MAST4: variants seen among roughly 807,000 people sequenced by gnomAD.
MAST4 encodes the protein microtubule-associated serine/threonine-protein kinase 4.
MAST4 carries 89 observed loss-of-function variants against 162.7 expected under a neutral mutation model. The observed-to-expected ratio is 0.55, with a 90% CI of 0.46 to 0.65. The LOEUF is 0.65. Ranked by LOEUF, MAST4 falls within the 30% of genes least tolerant of loss-of-function variation. MAST4 has a pLI of 0.00. For missense variants in MAST4, 3,153 were observed against 3,374.0 expected (o/e 0.93, Z 1.62); for synonymous variants, 1,479 against 1,361.1 (o/e 1.09, Z -1.91).
At chr5:67,091,075 C>T (rs962025513) in intron 6 of MAST4, among the ~76,000 whole-genome samples, 1 of 151,868 alleles carries the variant, frequency 6.6e-6, no homozygotes, top group Admixed American at 6.6e-5. Context: ...TCCTCAGAGA[C>T]CTAACTATAT....
Position 67,164,436 on chromosome 5 carries a change from G to A in MAST4, c.5257G>A (p.Val1753Ile), listed in dbSNP as rs567767238. Residue 1753 changes from valine (V) to isoleucine (I), a missense_variant, in exon 29 of 29, where the codon GTC becomes ATC. Physicochemically the swap from Val to Ile is conservative, Grantham distance 29 (BLOSUM62 3). This residue lies in a region of MAST4 where 1,644 missense variants were observed against 1,495.0 expected (regional missense o/e 1.10). Transcript: ENST00000403625. The surrounding 1 kb of genome is among the most constrained non-coding windows in gnomAD (Gnocchi z 5.3). ...SSTHAAQMSA[V>I]SFVPLKALTG... ...CACCCATGCAGCTCAGATGAGTGCC[G>A]TCTCTTTTGTTCCCCTCAAGGCCTT... is the stretch of plus-strand genomic sequence containing the variant. The A allele has an allele frequency of 6.2e-7, 1 of 1,613,996 alleles. No individual in the cohort carries two copies. Among genetic ancestry groups the A allele is most frequent in the Admixed American group, 1.7e-5 (1 of 60,026 alleles).
At position 67,100,611 on chromosome 5, in the gene MAST4, A is replaced by C. The variant is rs1764924850; in HGVS notation, c.1070+19A>C. On this transcript the variant is annotated intron_variant, in intron 8 of 28. Transcript: ENST00000403625. ...GTCTGAGGTGTGTGGGCCTGGCTGAAAACCATTACTTAGTTGGATTCTCTA... is the reference window on the plus strand; with the variant it reads ...GTCTGAGGTGTGTGGGCCTGGCTGACAACCATTACTTAGTTGGATTCTCTA... 6.2e-7 allele frequency: 1 copy of C among 1,613,708 alleles called. No homozygotes were observed. The highest frequency in any genetic ancestry group is 1.3e-5 in the African/African-American group (1 of 75,052).
intron 14 of MAST4, among the ~76,000 whole-genome samples, chr5:67,124,664 G>A (rs932887183): frequency 1.3e-5 from 2 of 152,174 alleles, no homozygotes; most frequent in African/African-American, 4.8e-5. Context: ...AGATATGCAT[G>A]TCCTGAGGCA....
chr5:66,730,267 A>G (rs1311128850), intron 1 of MAST4, among the ~76,000 whole-genome samples: 1 of 152,180 alleles, frequency 6.6e-6, no homozygotes, highest in Non-Finnish European at 1.5e-5. Context: ...CCCTGAAGAG[A>G]TGTATTCTTC....
intron 5 of MAST4, among the ~76,000 whole-genome samples, chr5:67,076,697 T>C (rs1761691784): frequency 6.6e-6 from 1 of 152,148 alleles, no homozygotes; most frequent in Non-Finnish European, 1.5e-5. Context: ...GGGCTCCACC[T>C]CCATCAAATC....
chr5:67,165,035 G>A lies in MAST4; in HGVS notation c.5856G>A (p.Arg1952=), dbSNP rs200870999. Residue 1952 remains arginine, a synonymous_variant, in exon 29 of 29, where the codon AGG becomes AGA. Coordinates refer to ENST00000403625, the MANE Select transcript of MAST4 (RefSeq NM_001164664.2). ...GQNLHSPDLA[R]PRCPLPPEAS... Reference sequence around the variant, plus strand: ...ACCTCCACAGCCCTGACCTGGCCAGGCCACGCTGCCCGCTCCCACCTGAAG... The same window carrying A: ...ACCTCCACAGCCCTGACCTGGCCAGACCACGCTGCCCGCTCCCACCTGAAG... 1.0e-4 allele frequency: 166 copies of A among 1,610,606 alleles called. No individual in the cohort carries two copies. The African/African-American group carries it at 1.3e-3, about 13-fold the overall frequency.
chr5:67,108,579 T>C (rs987796055), intron 10 of MAST4, among the ~76,000 whole-genome samples: 1 of 152,184 alleles, frequency 6.6e-6, no homozygotes, highest in Non-Finnish European at 1.5e-5. Context: ...CCTGTCGTTA[T>C]AGTTACTAGT....
At chr5:66,907,158 CGAGAGA>C (rs34963439) in intron 4 of MAST4, among the ~76,000 whole-genome samples, 3,487 of 104,220 alleles carry the variant, frequency 0.033, 90 homozygotes, top group East Asian at 0.082. Flanking sequence ...CTCAGCAAAG[CGAGAGA>C]GAGAGAGAGA....
chr5:67,033,158 G>A (rs190104167), intron 4 of MAST4, among the ~76,000 whole-genome samples: 7 of 151,016 alleles, frequency 4.6e-5, no homozygotes, highest in African/African-American at 1.7e-4. Flanking sequence ...AGTTCTTACT[G>A]TGAACATCTA....
intron 4 of MAST4, among the ~76,000 whole-genome samples, chr5:67,051,450 G>T (rs1279883637): frequency 3.3e-5 from 5 of 152,158 alleles, no homozygotes; most frequent in African/African-American, 1.2e-4. Flanking sequence ...GCATTGCCAG[G>T]TGCTGTGGCA....
At chr5:66,649,694 T>C (rs1017052714) in intron 1 of MAST4, among the ~76,000 whole-genome samples, 5 of 152,304 alleles carry the variant, frequency 3.3e-5, no homozygotes, top group African/African-American at 1.2e-4. Flanking sequence ...TTCTTTCTGC[T>C]GCCTCTTAGC....
chr5:67,153,538 G>T lies in MAST4; in HGVS notation c.3606G>T (p.Val1202=), dbSNP rs576175749. The change falls in exon 26 of 29, where the codon GTG becomes GTT. Residue 1202 remains valine, a synonymous_variant. Coordinates refer to ENST00000403625, the MANE Select transcript of MAST4 (RefSeq NM_001164664.2). ...DLITHINGEP[V]HGLVHTEVIE... is the part of the protein sequence containing the mutation. ...TCACTCACATCAATGGAGAACCAGT[G>T]CATGGACTTGTCCACACAGAAGTTA... is the stretch of plus-strand genomic sequence containing the variant. 1.9e-5 allele frequency: 30 copies of T among 1,597,972 alleles called. No homozygotes were observed. In the Admixed American group the frequency reaches 4.7e-4, roughly 25 times the overall value.
chr5:67,131,427 C>T (rs138330170), intron 15 of MAST4, among the ~76,000 whole-genome samples: 3 of 152,224 alleles, frequency 2.0e-5, no homozygotes, highest in East Asian at 3.9e-4. Context: ...AACCAAGAGT[C>T]GTTTGCCTAG....
chr5:66,921,282 A>G (rs555683874), intron 4 of MAST4, among the ~76,000 whole-genome samples: 2 of 152,296 alleles, frequency 1.3e-5, no homozygotes, highest in South Asian at 2.1e-4. Flanking sequence ...TATACCTCCA[A>G]AAATATTTCA....
In MAST4 at chr5:66,813,480, A is replaced by T. The variant is rs187933141; in HGVS notation, c.642+24686A>T. ...CAAGAGTGTAGTGGAAGAACCAGAAAGAGATTCCAGCTGTTCAGTTGCCTT... is the reference window on the plus strand; with the variant it reads ...CAAGAGTGTAGTGGAAGAACCAGAATGAGATTCCAGCTGTTCAGTTGCCTT... On this transcript the variant is annotated intron_variant, in intron 3 of 28. Transcript: ENST00000403625. Among the ~76,000 whole-genome samples the T allele has an allele frequency of 2.0e-3, 301 of 152,364 alleles. 2 individuals are homozygous for T. The highest frequency in any genetic ancestry group is 6.9e-3 in the African/African-American group (288 of 41,588).
intron 14 of MAST4, among the ~76,000 whole-genome samples, chr5:67,129,041 C>T (rs1446484475): frequency 1.3e-5 from 2 of 152,158 alleles, no homozygotes; most frequent in South Asian, 2.1e-4. Context: ...CATTGGGTCC[C>T]TTGTCTTTAC....
chr5:67,162,819 G>A, intron 28 of MAST4, 31 bp downstream of exon 28: 2 of 1,594,712 alleles, frequency 1.3e-6, no homozygotes, highest in Non-Finnish European at 1.7e-6. Context: ...AAACAGCAGA[G>A]GGGAGGGGAG....
chr5:67,071,960 C>T (rs569013905), intron 5 of MAST4, among the ~76,000 whole-genome samples: 49 of 152,258 alleles, frequency 3.2e-4, no homozygotes, highest in African/African-American at 8.4e-4. Flanking sequence ...GTGACAGAAG[C>T]ACACATGTGC....
chr5:66,615,878 C>G (rs1159779290), intron 1 of MAST4, among the ~76,000 whole-genome samples: 1 of 152,152 alleles, frequency 6.6e-6, no homozygotes, highest in Non-Finnish European at 1.5e-5. Flanking sequence ...CATGTTTTTC[C>G]TTCTATCCCT....
Sources: gnomAD v4.1 joint callset for allele counts (sites outside exome capture counted in the v4.1 genomes callset) on GRCh38, gnomAD v4.1.1 for gene constraint, gnomAD v4.1.1 regional missense constraint, Gnocchi (gnomAD v3.1) non-coding constraint, MANE v1.5 for transcripts, NCBI Gene and HGNC (gene_info 2026-07-23, HGNC 2026-07-21) for gene names.